The following C20orf203 variants were observed in gnomAD, a reference collection of about 807,000 sequenced individuals.
The protein encoded by C20orf203 is uncharacterized protein C20orf203.
C20orf203 carries 16 observed loss-of-function variants against 15.9 expected under a neutral mutation model. That is an observed-to-expected ratio of 1.01 (90% confidence interval 0.68 to 1.53). The LOEUF is 1.53. C20orf203 is among the 40% of genes most tolerant of loss of function. C20orf203 has a pLI of 0.00. For missense variants in C20orf203, 263 were observed against 247.5 expected (o/e 1.06, Z -0.42); for synonymous variants, 98 against 97.2 (o/e 1.01, Z -0.05).
chr20:32,648,438 T>C (rs1982498195), intron 4 of C20orf203, among the ~76,000 whole-genome samples: 1 of 86,826 alleles, frequency 1.2e-5, no homozygotes. Context: ...CTTTTTTTTT[T>C]TTTTTTTTTT....
intron 1 of C20orf203, among the ~76,000 whole-genome samples, chr20:32,655,371 C>T (rs1226027914): frequency 6.6e-6 from 1 of 151,738 alleles, no homozygotes; most frequent in African/African-American, 2.4e-5. Context: ...TGGACACTAT[C>T]AAAAAAGTGA....
At chr20:32,660,293 G>A (rs1266623343) in intron 1 of C20orf203, among the ~76,000 whole-genome samples, 3 of 152,196 alleles carry the variant, frequency 2.0e-5, no homozygotes, top group African/African-American at 7.2e-5. Flanking sequence ...GCAGGAGAAA[G>A]GACACTGAAT....
intron 4 of C20orf203, among the ~76,000 whole-genome samples, chr20:32,644,663 TC>T (rs1403032315): frequency 6.6e-6 from 1 of 151,900 alleles, no homozygotes; most frequent in Non-Finnish European, 1.5e-5. Context: ...CCTGTAAACA[TC>T]TCAGCAAATC....
chr20:32,672,781 A>G (rs1983204817), intron 1 of C20orf203, among the ~76,000 whole-genome samples: 1 of 151,334 alleles, frequency 6.6e-6, no homozygotes, highest in Admixed American at 6.6e-5. Context: ...ACAGCATTTC[A>G]CACAGTTCCA....
intron 4 of C20orf203, among the ~76,000 whole-genome samples, chr20:32,642,923 G>A (rs893350354): frequency 1.6e-4 from 25 of 152,216 alleles, no homozygotes; most frequent in African/African-American, 4.6e-4. Flanking sequence ...GAGTGAGAAC[G>A]AAATGAGACC....
chr20:32,639,044 C>T (rs969863936), intron 5 of C20orf203, among the ~76,000 whole-genome samples: 1 of 152,238 alleles, frequency 6.6e-6, no homozygotes, highest in African/African-American at 2.4e-5. Flanking sequence ...AGGGAGGGTA[C>T]AAGCCCCAAC....
At chr20:32,669,909 A>T (rs1167111071) in intron 1 of C20orf203, among the ~76,000 whole-genome samples, 1 of 152,238 alleles carries the variant, frequency 6.6e-6, no homozygotes, top group Non-Finnish European at 1.5e-5. Context: ...TGTAATAAGA[A>T]GTTAATATCC....
chr20:32,637,327 C>T (rs1025807673), intron 5 of C20orf203, among the ~76,000 whole-genome samples: 13 of 152,234 alleles, frequency 8.5e-5, no homozygotes, highest in African/African-American at 2.9e-4. Context: ...GCAGGAGAAC[C>T]GCTTGAACCC....
At chr20:32,666,719 TACCACTGC>T (rs1220570508) in intron 1 of C20orf203, among the ~76,000 whole-genome samples, 1 of 140,198 alleles carries the variant, frequency 7.1e-6, no homozygotes, top group Non-Finnish European at 1.5e-5. Context: ...GCCAAGACTG[TACCACTGC>T]ACTCCAGCCT....
intron 5 of C20orf203, among the ~76,000 whole-genome samples, chr20:32,634,967 A>G (rs6141766): frequency 0.19 from 28,997 of 152,146 alleles, 3,700 homozygotes; most frequent in East Asian, 0.59. Flanking sequence ...TGGGAGGCCA[A>G]GGTGGGCGGA....
chr20:32,666,329 T>C (rs1316277275), intron 1 of C20orf203, among the ~76,000 whole-genome samples: 1 of 151,634 alleles, frequency 6.6e-6, no homozygotes, highest in Non-Finnish European at 1.5e-5. Context: ...TAACCAGGCA[T>C]AGTGCCACAT....
chr20:32,667,961 G>A (rs183407093), intron 1 of C20orf203, among the ~76,000 whole-genome samples: 5 of 152,300 alleles, frequency 3.3e-5, no homozygotes, highest in Admixed American at 1.3e-4. Context: ...GAGCCACGGC[G>A]CCAGGCCTAG....
intron 5 of C20orf203, among the ~76,000 whole-genome samples, chr20:32,637,193 T>A (rs1982159324): frequency 6.6e-6 from 1 of 152,206 alleles, no homozygotes; most frequent in Non-Finnish European, 1.5e-5. Context: ...CAAGTGGATC[T>A]CCTGAGGTCA....
At chr20:32,668,172 G>A (rs1320992936) in intron 1 of C20orf203, among the ~76,000 whole-genome samples, 1 of 152,108 alleles carries the variant, frequency 6.6e-6, no homozygotes, top group East Asian at 1.9e-4. Context: ...GGGTAAATGG[G>A]TCTGTAAGAG....
intron 1 of C20orf203, among the ~76,000 whole-genome samples, chr20:32,671,285 G>C (rs1486492188): frequency 6.6e-6 from 1 of 152,152 alleles, no homozygotes; most frequent in African/African-American, 2.4e-5. Flanking sequence ...CAACCTAAAT[G>C]TCCATCCACA....
intron 1 of C20orf203, among the ~76,000 whole-genome samples, chr20:32,663,516 C>G (rs1209189519): frequency 5.3e-5 from 8 of 152,078 alleles, no homozygotes; most frequent in Admixed American, 4.6e-4. Flanking sequence ...GAAAAACAAG[C>G]CTGGAGAGAA....
At chr20:32,664,634 C>T (rs934786896) in intron 1 of C20orf203, among the ~76,000 whole-genome samples, 8 of 152,220 alleles carry the variant, frequency 5.3e-5, no homozygotes, top group Non-Finnish European at 1.2e-4. Context: ...GGCTCCTCAG[C>T]GTGAGAAGAG....
intron 1 of C20orf203, among the ~76,000 whole-genome samples, chr20:32,666,837 T>C (rs1213601650): frequency 2.0e-5 from 1 of 50,238 alleles, no homozygotes; most frequent in East Asian, 2.5e-4. Context: ...TTTTGTTTTG[T>C]TTTTTAGAGA....
At chr20:32,668,812 G>A (rs539073804) in intron 1 of C20orf203, among the ~76,000 whole-genome samples, 130 of 151,998 alleles carry the variant, frequency 8.6e-4, no homozygotes, top group African/African-American at 2.9e-3. Flanking sequence ...GTAAGGCTCC[G>A]TCTCTAAATA....
Sources: gnomAD v4.1 joint callset for allele counts (sites outside exome capture counted in the v4.1 genomes callset) on GRCh38, gnomAD v4.1.1 for gene constraint, MANE v1.5 for transcripts, NCBI Gene and HGNC (gene_info 2026-07-23, HGNC 2026-07-21) for gene names.